Variants in MMP16 observed in about 807,000 individuals in gnomAD.
MMP16 encodes the protein matrix metalloproteinase-16.
Under a neutral mutation model 67.8 loss-of-function variants are expected in MMP16, and 12 were observed. That is an observed-to-expected ratio of 0.18 (90% confidence interval 0.11 to 0.29). The LOEUF (loss-of-function observed/expected upper bound fraction) is 0.29. Among genes scored for constraint, MMP16 ranks in the 10% least tolerant of loss-of-function variants. The probability of loss-of-function intolerance (pLI) is 1.00; values close to 1 mark genes in which losing one functional copy is unlikely to be tolerated. For synonymous variants in MMP16, 249 were observed against 255.9 expected (o/e 0.97, Z 0.26); for missense variants, 475 against 765.7 (o/e 0.62, Z 4.48).
intron 6 of MMP16, among the ~76,000 whole-genome samples, chr8:88,096,086 A>C (rs2118360792): frequency 6.6e-6 from 1 of 152,082 alleles, no homozygotes; most frequent in South Asian, 2.1e-4. Context: ...CAGTTCTAAA[A>C]CCCAGAGAGC....
chr8:88,296,843 T>TAAAAAAAAAAAAAAAAAAAAAAAA (rs35274247), intron 1 of MMP16, among the ~76,000 whole-genome samples: 1 of 114,912 alleles, frequency 8.7e-6, no homozygotes. Context: ...AGACACTGCC[T>TAAAAAAAAAAAAAAAAAAAAAAAA]AAAAAAAAAA....
chr8:88,122,559 G>C lies in MMP16; in HGVS notation c.710-3698C>G, dbSNP rs983243500. Among the ~76,000 whole-genome samples, 3 of 151,864 alleles carry C rather than the reference G, an allele frequency of 2.0e-5. No individual in the cohort carries two copies. The South Asian group carries it at 6.2e-4, about 32-fold the overall frequency. The stretch of plus-strand genomic sequence containing the variant: ...ATATATAAATACTTAAAATAGTACA[G>C]TCCATATCTAGAAATAAAAATCAGA... On this transcript the variant is annotated intron_variant, in intron 4 of 9. Coordinates refer to ENST00000286614, the MANE Select transcript of MMP16 (RefSeq NM_005941.5).
At chr8:88,210,431 G>A (rs958622305) in intron 1 of MMP16, among the ~76,000 whole-genome samples, 2 of 152,090 alleles carry the variant, frequency 1.3e-5, no homozygotes, top group African/African-American at 2.4e-5. Context: ...GCTAAGTGGG[G>A]CACCCATGTA....
At chr8:88,114,929 G>GATC (rs1305084129) in intron 6 of MMP16, among the ~76,000 whole-genome samples, 2 of 151,908 alleles carry the variant, frequency 1.3e-5, no homozygotes, top group Non-Finnish European at 2.9e-5. Flanking sequence ...AGGAACCAGT[G>GATC]ATCACAGGAC....
intron 3 of MMP16, among the ~76,000 whole-genome samples, chr8:88,180,468 A>G (rs1401190518): frequency 6.6e-6 from 1 of 152,168 alleles, no homozygotes; most frequent in African/African-American, 2.4e-5. Context: ...CTTTATGCAC[A>G]TTAAAAAAAC....
At chr8:88,312,158 C>T (rs886427886) in intron 1 of MMP16, among the ~76,000 whole-genome samples, 4 of 152,100 alleles carry the variant, frequency 2.6e-5, no homozygotes, top group African/African-American at 9.7e-5. Context: ...CAGGCTAGAG[C>T]TGAGAAGAGA....
chr8:88,051,603 G>A (rs1808271694), intron 8 of MMP16, among the ~76,000 whole-genome samples: 1 of 152,082 alleles, frequency 6.6e-6, no homozygotes, highest in East Asian at 1.9e-4. Context: ...AGTTTTTGCT[G>A]TATTTTTGAA....
At chr8:88,233,525 A>G (rs948459553) in intron 1 of MMP16, among the ~76,000 whole-genome samples, 1 of 152,188 alleles carries the variant, frequency 6.6e-6, no homozygotes. Flanking sequence ...GTCAGATCTA[A>G]GTGCTGCCTC....
intron 4 of MMP16, among the ~76,000 whole-genome samples, chr8:88,127,066 T>C (rs1317130628): frequency 6.6e-6 from 1 of 151,830 alleles, no homozygotes; most frequent in Non-Finnish European, 1.5e-5. Context: ...AAAAGGCTGT[T>C]ATGTGCCAGA....
chr8:88,264,017 C>G (rs1810432915), intron 1 of MMP16, among the ~76,000 whole-genome samples: 1 of 135,566 alleles, frequency 7.4e-6, no homozygotes, highest in Non-Finnish European at 1.6e-5. Context: ...TGTGCAACTT[C>G]CCTACAAAAA....
chr8:88,062,250 G>A (rs1329939818), intron 7 of MMP16, among the ~76,000 whole-genome samples: 2 of 151,964 alleles, frequency 1.3e-5, no homozygotes, highest in African/African-American at 2.4e-5. Context: ...ACAGTGTGGC[G>A]ATTCCTCAAG....
At chr8:88,147,095 G>A (rs1419746074) in intron 4 of MMP16, among the ~76,000 whole-genome samples, 2 of 151,892 alleles carry the variant, frequency 1.3e-5, no homozygotes, top group Non-Finnish European at 2.9e-5. Flanking sequence ...TTACTGATAT[G>A]TTTGAAATTT....
intron 1 of MMP16, among the ~76,000 whole-genome samples, chr8:88,242,258 T>C (rs1251303067): frequency 6.6e-6 from 1 of 152,212 alleles, no homozygotes; most frequent in Non-Finnish European, 1.5e-5. Flanking sequence ...AATTTAAGCA[T>C]TTTAAAAATC....
intron 6 of MMP16, among the ~76,000 whole-genome samples, chr8:88,098,320 G>T (rs1006059898): frequency 6.6e-6 from 1 of 151,974 alleles, no homozygotes; most frequent in Non-Finnish European, 1.5e-5. Context: ...TTTTTATTGA[G>T]TATTCATTAT....
At position 88,071,243 on chromosome 8, in the gene MMP16, A is replaced by T. The variant is rs577941420; in HGVS notation, c.1222+3362T>A. 1.2e-4 allele frequency among the ~76,000 whole-genome samples: 18 copies of T among 152,250 alleles called. No homozygotes were observed. In the East Asian group the frequency reaches 3.5e-3, roughly 29 times the overall value. ...ATGTTATGTTTATGTTTATATCACT[A>T]ACACAATAGTTATACTTTATAACTA... is the stretch of plus-strand genomic sequence containing the variant. On this transcript the variant is annotated intron_variant, in intron 7 of 9. Coordinates refer to ENST00000286614, the MANE Select transcript of MMP16 (RefSeq NM_005941.5).
chr8:88,175,402 A>C (rs994168556), intron 3 of MMP16, among the ~76,000 whole-genome samples: 12 of 152,176 alleles, frequency 7.9e-5, no homozygotes, highest in African/African-American at 2.9e-4. Flanking sequence ...ATTTTCTCTA[A>C]ATACAGTTAG....
At chr8:88,045,321 C>T (rs1408686650) in intron 9 of MMP16, among the ~76,000 whole-genome samples, 2 of 151,934 alleles carry the variant, frequency 1.3e-5, no homozygotes, top group Admixed American at 6.6e-5. Flanking sequence ...CAAGTTTATA[C>T]TAGTATAGAG....
Position 88,136,973 on chromosome 8 carries a change from T to C in MMP16, c.710-18112A>G, listed in dbSNP as rs1446337935. 3.3e-5 allele frequency among the ~76,000 whole-genome samples: 5 copies of C among 151,902 alleles called. No individual in the cohort carries two copies. In the East Asian group the frequency reaches 7.7e-4, roughly 24 times the overall value. ...AATACATATGTTTGTGTATGTGTTA[T>C]ATACATATTTTTTTTCTCCTTTTCC... On this transcript the variant is annotated intron_variant, in intron 4 of 9. Transcript: ENST00000286614.
chr8:88,263,370 G>T (rs1425264561), intron 1 of MMP16, among the ~76,000 whole-genome samples: 1 of 152,090 alleles, frequency 6.6e-6, no homozygotes, highest in Non-Finnish European at 1.5e-5. Flanking sequence ...ATTACTTAGA[G>T]CAGGGCTTAA....
Sources: allele counts gnomAD v4.1 joint callset (sites outside exome capture counted in the v4.1 genomes callset), GRCh38; gene constraint gnomAD v4.1.1; transcripts MANE v1.5; gene names NCBI Gene and HGNC (gene_info 2026-07-23, HGNC 2026-07-21).